Variants in KCNB2 observed in about 807,000 individuals in gnomAD.
The protein encoded by KCNB2 is delayed rectifier potassium channel protein.
In KCNB2, 15 loss-of-function variants were observed where a neutral mutation model predicts 61.5. The observed-to-expected ratio is 0.24, with a 90% CI of 0.16 to 0.38. The LOEUF (loss-of-function observed/expected upper bound fraction) is 0.38. KCNB2 is among the 10% of genes least tolerant of loss of function. The probability of loss-of-function intolerance (pLI) is 1.00; values close to 1 mark genes in which losing one functional copy is unlikely to be tolerated. For synonymous variants in KCNB2, 457 were observed against 446.0 expected (o/e 1.02, Z -0.31); for missense variants, 828 against 1,125.2 (o/e 0.74, Z 3.78).
chr8:72,587,859 G>T (rs190659520), intron 2 of KCNB2, among the ~76,000 whole-genome samples: 122 of 152,210 alleles, frequency 8.0e-4, no homozygotes, highest in African/African-American at 2.8e-3. Context: ...AAGAAAATAG[G>T]GTTAAATATT....
intron 2 of KCNB2, among the ~76,000 whole-genome samples, chr8:72,729,528 G>T (rs1807706283): frequency 6.6e-6 from 1 of 152,156 alleles, no homozygotes; most frequent in African/African-American, 2.4e-5. Flanking sequence ...GTTTGAGGAA[G>T]ACAAATCCAT....
At chr8:72,719,635 T>A (rs545624735) in intron 2 of KCNB2, among the ~76,000 whole-genome samples, 24 of 152,150 alleles carry the variant, frequency 1.6e-4, no homozygotes, top group Non-Finnish European at 3.1e-4. Context: ...TTCCTTTTAA[T>A]TTAAAAGTAG....
At chr8:72,605,409 A>G (rs1013797051) in intron 2 of KCNB2, among the ~76,000 whole-genome samples, 1 of 152,194 alleles carries the variant, frequency 6.6e-6, no homozygotes, top group African/African-American at 2.4e-5. Flanking sequence ...CATTACTACC[A>G]GTCTGAGACA....
chr8:72,618,007 T>A (rs185367579), intron 2 of KCNB2, among the ~76,000 whole-genome samples: 3 of 152,290 alleles, frequency 2.0e-5, no homozygotes, highest in African/African-American at 7.2e-5. Flanking sequence ...AGTCTTTCAT[T>A]ATGCAGTTGC....
intron 2 of KCNB2, among the ~76,000 whole-genome samples, chr8:72,791,254 T>C (rs1258436453): frequency 6.6e-6 from 1 of 152,082 alleles, no homozygotes; most frequent in East Asian, 1.9e-4. Context: ...CAAACAGCTG[T>C]AAAGAATGCT....
In KCNB2 at chr8:72,896,535, C is replaced by G. The variant is rs565753886; in HGVS notation, c.580-39400C>G. On this transcript the variant is annotated intron_variant, in intron 2 of 2. Transcript: ENST00000523207. ...ATCTTTATGCTTATGTGAGAAACTA[C>G]TGCATTTAAACATTTGTGCAGATAT... Among the ~76,000 whole-genome samples the G allele has an allele frequency of 4.6e-5, 7 of 152,246 alleles. No individual in the cohort carries two copies. In the South Asian group the frequency reaches 1.5e-3, roughly 32 times the overall value.
chr8:72,610,022 G>A (rs1436475677), intron 2 of KCNB2, among the ~76,000 whole-genome samples: 1 of 151,962 alleles, frequency 6.6e-6, no homozygotes, highest in African/African-American at 2.4e-5. Context: ...ATAGATTTTT[G>A]TTGTACCTTC....
intron 2 of KCNB2, among the ~76,000 whole-genome samples, chr8:72,659,935 AT>A (rs1286718651): frequency 2.0e-5 from 3 of 152,198 alleles, no homozygotes; most frequent in Non-Finnish European, 4.4e-5. Context: ...TTTTTACTTT[AT>A]CGTGGTGATC....
intron 2 of KCNB2, among the ~76,000 whole-genome samples, chr8:72,708,227 G>A (rs1425710948): frequency 6.6e-6 from 1 of 152,188 alleles, no homozygotes; most frequent in Non-Finnish European, 1.5e-5. Context: ...AGAACTTGGG[G>A]AGCAAATGAA....
intron 2 of KCNB2, among the ~76,000 whole-genome samples, chr8:72,580,142 T>A (rs1158136426): frequency 6.6e-6 from 1 of 152,222 alleles, no homozygotes; most frequent in Non-Finnish European, 1.5e-5. Flanking sequence ...TCAGCTCTGC[T>A]GCTGTGGTGA....
chr8:72,682,511 C>T (rs557943553), intron 2 of KCNB2, among the ~76,000 whole-genome samples: 1 of 149,846 alleles, frequency 6.7e-6, no homozygotes, highest in Non-Finnish European at 1.5e-5. Context: ...GATTGGGGCT[C>T]TTTGTTGCTG....
Position 72,938,075 on chromosome 8 carries a change from G to A in KCNB2, c.2720G>A (p.Arg907His), listed in dbSNP as rs895585962. 1.1e-5 allele frequency: 17 copies of A among 1,606,212 alleles called. No homozygotes were observed. Among genetic ancestry groups the A allele is most frequent in the East Asian group, 2.2e-5 (1 of 44,836 alleles). The change falls in exon 3 of 3, where the codon CGT becomes CAT. Residue 907 changes from arginine to histidine, a missense_variant. Physicochemically the swap from Arg to His is conservative, Grantham distance 29 (BLOSUM62 0). Coordinates refer to ENST00000523207, the MANE Select transcript of KCNB2 (RefSeq NM_004770.3). ...NPGDTGYCPTRETSM is the reference protein window; with the variant it reads ...NPGDTGYCPTHETSM ...GGAGACACAGGTTATTGTCCCACACGTGAAACCAGCATGTGACTAGTTACA... is the reference window on the plus strand; with the variant it reads ...GGAGACACAGGTTATTGTCCCACACATGAAACCAGCATGTGACTAGTTACA...
At chr8:72,554,915 G>A (rs1302527412) in intron 1 of KCNB2, among the ~76,000 whole-genome samples, 1 of 151,996 alleles carries the variant, frequency 6.6e-6, no homozygotes, top group Non-Finnish European at 1.5e-5. Context: ...CCAAGGGGTA[G>A]ACAAAATATT....
At chr8:72,621,593 G>A (rs184609481) in intron 2 of KCNB2, among the ~76,000 whole-genome samples, 160 of 151,968 alleles carry the variant, frequency 1.1e-3, no homozygotes, top group African/African-American at 3.7e-3. Flanking sequence ...TAGTTATAGG[G>A]TACATGATAT....
chr8:72,778,485 C>A (rs1178430120), intron 2 of KCNB2, among the ~76,000 whole-genome samples: 1 of 151,516 alleles, frequency 6.6e-6, no homozygotes, highest in Non-Finnish European at 1.5e-5. Context: ...CATCTGTAAT[C>A]CCAGCCCTTT....
At chr8:72,674,836 G>T (rs924164875) in intron 2 of KCNB2, among the ~76,000 whole-genome samples, 2 of 152,182 alleles carry the variant, frequency 1.3e-5, no homozygotes, top group African/African-American at 4.8e-5. Flanking sequence ...TGAAAGAATT[G>T]TCAGAAAAGT....
chr8:72,668,947 G>T (rs776941827), intron 2 of KCNB2, among the ~76,000 whole-genome samples: 2 of 152,106 alleles, frequency 1.3e-5, no homozygotes, highest in Non-Finnish European at 2.9e-5. Context: ...ATGTGTGTGT[G>T]TGTCTTTTCT....
intron 2 of KCNB2, among the ~76,000 whole-genome samples, chr8:72,592,001 C>T (rs985735893): frequency 6.6e-6 from 1 of 152,070 alleles, no homozygotes; most frequent in African/African-American, 2.4e-5. Flanking sequence ...AAACTTAAAT[C>T]ATAAGAAATT....
At chr8:72,623,713 A>G (rs1336024351) in intron 2 of KCNB2, among the ~76,000 whole-genome samples, 1 of 152,198 alleles carries the variant, frequency 6.6e-6, no homozygotes. Flanking sequence ...GTCATATTCA[A>G]AAAGCTTCAC....
Sources: gnomAD v4.1 joint callset for allele counts (sites outside exome capture counted in the v4.1 genomes callset) on GRCh38, gnomAD v4.1.1 for gene constraint, MANE v1.5 for transcripts, NCBI Gene and HGNC (gene_info 2026-07-23, HGNC 2026-07-21) for gene names.